Variants in TRPV4 observed in about 807,000 individuals in gnomAD.
TRPV4 encodes transient receptor potential cation channel subfamily V member 4.
TRPV4 carries 58 observed loss-of-function variants against 84.1 expected under a neutral mutation model. The ratio of observed to expected loss-of-function variants is 0.69; its 90% confidence interval spans 0.56 to 0.86. The LOEUF (loss-of-function observed/expected upper bound fraction) is 0.86, where lower values mean the gene tolerates loss of function less well. Among genes scored for constraint, TRPV4 ranks in the 40% least tolerant of loss-of-function variants. TRPV4 has a pLI of 0.00. For missense variants in TRPV4, 879 were observed against 1,181.1 expected, an observed-to-expected ratio of 0.74 and a Z score of 3.75; for synonymous variants, 489 against 500.9, an observed-to-expected ratio of 0.98 and a Z score of 0.32.
rs138419280 is a variant in TRPV4 at position 109,800,699 on chromosome 12, C to T, written c.772G>A (p.Val258Met). 18 of 1,613,992 alleles carry T rather than the reference C, an allele frequency of 1.1e-5. No individual in the cohort carries two copies. Among genetic ancestry groups the T allele is most frequent in the African/African-American group, 6.7e-5 (5 of 74,918 alleles). Residue 258 changes from valine to methionine, a missense_variant, in exon 5 of 16, where the codon GTG becomes ATG. This residue lies in a region of TRPV4 where 521 missense variants were observed against 686.6 expected (regional missense o/e 0.76). Transcript: ENST00000261740. ...GCGTGGACATCAGCTCCCTGGGCCACGAGAAGTTCCACGTAGTGTTTGCAG... is the reference window on the plus strand; with the variant it reads ...GCGTGGACATCAGCTCCCTGGGCCATGAGAAGTTCCACGTAGTGTTTGCAG... ...RRCKHYVELL[V>M]AQGADVHAQA...
intron 3 of TRPV4, among the ~76,000 whole-genome samples, chr12:109,806,931 G>T (rs1464477631): frequency 2.0e-5 from 3 of 148,658 alleles, no homozygotes; most frequent in African/African-American, 7.4e-5. Flanking sequence ...GCACAGACTT[G>T]TTCACCCTGT....
At chr12:109,795,208 C>G in intron 7 of TRPV4, among the ~76,000 whole-genome samples, 1 of 152,166 alleles carries the variant, frequency 6.6e-6, no homozygotes, top group South Asian at 2.1e-4. Flanking sequence ...ATTGACTCAC[C>G]ACAATTCTCC....
At chr12:109,790,510 C>T (rs1422598848) in intron 12 of TRPV4, among the ~76,000 whole-genome samples, 1 of 152,220 alleles carries the variant, frequency 6.6e-6, no homozygotes, top group African/African-American at 2.4e-5. Context: ...AATACCTGGG[C>T]TGCTAGTTTA....
intron 14 of TRPV4, 45 bp from the exon 15 acceptor site, chr12:109,784,482 G>T (rs763582664): frequency 6.2e-7 from 1 of 1,613,726 alleles, no homozygotes; most frequent in Admixed American, 1.7e-5. Flanking sequence ...CCTCAGAGAC[G>T]CTCTCCATGC....
At chr12:109,799,637 C>T (rs963231430) in intron 5 of TRPV4, among the ~76,000 whole-genome samples, 2 of 152,180 alleles carry the variant, frequency 1.3e-5, no homozygotes, top group Non-Finnish European at 2.9e-5. Flanking sequence ...CAGAGCTGGG[C>T]GCTGACATCA....
chr12:109,830,092 A>T (rs143578254), intron 1 of TRPV4, among the ~76,000 whole-genome samples: 2 of 152,308 alleles, frequency 1.3e-5, no homozygotes, highest in African/African-American at 4.8e-5. Context: ...TTGGGATTAC[A>T]GGTGTGGGCC....
Position 109,808,585 on chromosome 12 carries a change from G to A in TRPV4, c.387-117C>T, listed in dbSNP as rs1475292195. 6.4e-6 allele frequency: 6 copies of A among 937,190 alleles called. No homozygotes were observed. In the East Asian group the frequency reaches 1.0e-4, roughly 16 times the overall value. 58.1% of individuals were successfully genotyped at this position (937,190 alleles called of 1,614,324 possible). A position where few individuals can be genotyped will look rare whatever the true frequency, so the allele number is the denominator to read the frequency against. On this transcript the variant is annotated intron_variant, in intron 2 of 15. Transcript: ENST00000261740. ...GGGCAGGCAGCTGAAGCCTTACAAG[G>A]AACAGGGTGAGGTAGTTGGGGCAGA...
Position 109,820,514 on chromosome 12 carries a change from C to CTTTTTTTTTTTTT in TRPV4, c.-31-5688_-31-5687insAAAAAAAAAAAAA, listed in dbSNP as rs1186445597. 3.0e-3 allele frequency among the ~76,000 whole-genome samples: 364 copies of CTTTTTTTTTTTTT among 123,042 alleles called. 65 individuals are homozygous for CTTTTTTTTTTTTT. The highest frequency in any genetic ancestry group is 0.024 in the East Asian group (76 of 3,202). 80.7% of individuals were successfully genotyped at this position (123,042 alleles called of 152,430 possible). A position where few individuals can be genotyped will look rare whatever the true frequency, so the allele number is the denominator to read the frequency against. On this transcript the variant is annotated intron_variant, in intron 1 of 15. Transcript: ENST00000261740. ...CTGATCTTCACTTTCTTCAGCTGCC[C>CTTTTTTTTTTTTT]TATTTTTTTTTTTTTTTTTTTTTTT... is the stretch of plus-strand genomic sequence containing the variant.
chr12:109,784,674 TA>T (rs1045338400), intron 14 of TRPV4, among the ~76,000 whole-genome samples: 1 of 149,792 alleles, frequency 6.7e-6, no homozygotes, highest in Non-Finnish European at 1.5e-5. Flanking sequence ...TACTAAAAAT[TA>T]AAAAAAATTA....
Position 109,786,490 on chromosome 12 carries a change from C to T in TRPV4, c.2336+220G>A, listed in dbSNP as rs555431877. ...AATCCGCACCGCCAGCCTAGGAGCC[C>T]GTGAGATCATTGTCTCATTCCACAG... On this transcript the variant is annotated intron_variant, in intron 14 of 15. Transcript: ENST00000261740. This position sits in a 1 kb window ranked among gnomAD's most constrained non-coding sequence, Gnocchi z 4.5. Among the ~76,000 whole-genome samples the T allele has an allele frequency of 1.3e-5, 2 of 152,296 alleles. No individual in the cohort carries two copies. The highest frequency in any genetic ancestry group is 1.9e-4 in the East Asian group (1 of 5,182).
At chr12:109,805,096 GT>G (rs1891036722) in intron 3 of TRPV4, among the ~76,000 whole-genome samples, 1 of 152,230 alleles carries the variant, frequency 6.6e-6, no homozygotes, top group African/African-American at 2.4e-5. Context: ...GTTCATAACT[GT>G]GTGCTTATTT....
At position 109,788,577 on chromosome 12, in the gene TRPV4, G is replaced by A. The variant is rs1424782511; in HGVS notation, c.2031C>T (p.Thr677=). 6.2e-7 allele frequency: 1 copy of A among 1,614,148 alleles called. No homozygotes were observed. The highest frequency in any genetic ancestry group is 1.3e-5 in the African/African-American group (1 of 74,954). Residue 677 remains threonine (T), a synonymous_variant, in exon 13 of 16, where the codon ACC becomes ACT. Coordinates refer to ENST00000261740, the MANE Select transcript of TRPV4 (RefSeq NM_021625.5). Reference sequence around the variant, plus strand: ...GCATCTCCAGGTCGCCCATGCCGATGGTCAGCTTAAACAGGTCCAGGAGGA... The same window carrying A: ...GCATCTCCAGGTCGCCCATGCCGATAGTCAGCTTAAACAGGTCCAGGAGGA... ...STFLLDLFKL[T]IGMGDLEMLS...
At chr12:109,787,853 A>G (rs1339633661) in intron 13 of TRPV4, among the ~76,000 whole-genome samples, 4 of 152,164 alleles carry the variant, frequency 2.6e-5, no homozygotes, top group Non-Finnish European at 4.4e-5. Flanking sequence ...GAGGGCTGTG[A>G]TCCCAGGGCC....
chr12:109,802,924 G>T (rs1291900998), intron 4 of TRPV4, 67 bp downstream of exon 4: 4 of 1,561,970 alleles, frequency 2.6e-6, no homozygotes, highest in Non-Finnish European at 3.5e-6. Context: ...AGTCTCAGGA[G>T]TCAGACAAGC....
At chr12:109,822,066 G>C (rs937760534) in intron 1 of TRPV4, among the ~76,000 whole-genome samples, 1 of 152,056 alleles carries the variant, frequency 6.6e-6, no homozygotes, top group African/African-American at 2.4e-5. Context: ...AGGCTGTGAG[G>C]AGGAGGAGGA....
chr12:109,796,624 A>G lies in TRPV4; in HGVS notation c.1233T>C (p.Tyr411=), dbSNP rs886042740. 2 of 1,614,194 alleles carry G rather than the reference A, an allele frequency of 1.2e-6. No individual in the cohort carries two copies. Among genetic ancestry groups the G allele is most frequent in the South Asian group, 1.1e-5 (1 of 91,084 alleles). The change falls in exon 7 of 16, where the codon TAT becomes TAC. Residue 411 remains tyrosine (Y), a synonymous_variant. Transcript: ENST00000261740. The surrounding 1 kb of genome is among the most constrained non-coding windows in gnomAD (Gnocchi z 4.2). ...CATAAAGCGAGGAATACACTGGCCCATAGGCCCAGTCCTTGAACTTGCGGG... is the reference window on the plus strand; with the variant it reads ...CATAAAGCGAGGAATACACTGGCCCGTAGGCCCAGTCCTTGAACTTGCGGG... The part of the protein sequence containing the change: ...HLSRKFKDWA[Y]GPVYSSLYDL...
chr12:109,792,460 A>G, intron 11 of TRPV4, 31 bp from the exon 12 acceptor site: 10 of 1,610,398 alleles, frequency 6.2e-6, no homozygotes, highest in Non-Finnish European at 7.6e-6. Flanking sequence ...ATGGAGGCAA[A>G]GAGGAGACAC....
At chr12:109,807,147 A>G (rs1487216926) in intron 3 of TRPV4, among the ~76,000 whole-genome samples, 1 of 151,772 alleles carries the variant, frequency 6.6e-6, no homozygotes, top group Non-Finnish European at 1.5e-5. Context: ...GTGGTGGCGC[A>G]TGCCTGTAAT....
chr12:109,816,037 C>T (rs760918268), intron 1 of TRPV4, among the ~76,000 whole-genome samples: 4 of 152,226 alleles, frequency 2.6e-5, no homozygotes, highest in Admixed American at 6.5e-5. Flanking sequence ...CCACCCCACC[C>T]GGGAGGCAGG....
Sources: gnomAD v4.1 joint callset for allele counts (sites outside exome capture counted in the v4.1 genomes callset) on GRCh38, gnomAD v4.1.1 for gene constraint, gnomAD v4.1.1 regional missense constraint, Gnocchi (gnomAD v3.1) non-coding constraint, MANE v1.5 for transcripts, NCBI Gene and HGNC (gene_info 2026-07-23, HGNC 2026-07-21) for gene names.